Variants in ZFYVE16 observed in about 807,000 individuals in gnomAD.
ZFYVE16 encodes the protein zinc finger FYVE domain-containing protein 16.
ZFYVE16 carries 89 observed loss-of-function variants against 138.1 expected under a neutral mutation model. The ratio of observed to expected loss-of-function variants is 0.64; its 90% CI spans 0.54 to 0.77. The LOEUF is 0.77. Ranked by LOEUF, ZFYVE16 falls within the 30% of genes least tolerant of loss-of-function variation. ZFYVE16 has a pLI of 0.00. For synonymous variants in ZFYVE16, 596 were observed against 618.3 expected, an observed-to-expected ratio of 0.96 and a Z score of 0.53; for missense variants, 1,793 against 1,786.7, an observed-to-expected ratio of 1.00 and a Z score of -0.06.
chr5:80,410,511 C>T (rs771308771), intron 1 of ZFYVE16, among the ~76,000 whole-genome samples: 6 of 152,160 alleles, frequency 3.9e-5, no homozygotes, highest in Non-Finnish European at 7.4e-5. Flanking sequence ...AGTCCAGTAT[C>T]CAAGTGTTTT....
At chr5:80,407,997 C>G (rs983752689), upstream of ZFYVE16, 1 of 152,338 alleles carries the variant, frequency 6.6e-6, no homozygotes, top group Non-Finnish European at 1.5e-5. Flanking sequence ...AGGAAAGCGT[C>G]CTCTGCGCCT....
chr5:80,460,769 C>G (rs1753016805), intron 15 of ZFYVE16, among the ~76,000 whole-genome samples: 1 of 152,112 alleles, frequency 6.6e-6, no homozygotes, highest in Admixed American at 6.5e-5. Context: ...AGTCAGTTTG[C>G]TTAACTCTGT....
chr5:80,447,658 A>G (rs1366942500), intron 7 of ZFYVE16, among the ~76,000 whole-genome samples: 1 of 152,098 alleles, frequency 6.6e-6, no homozygotes, highest in African/African-American at 2.4e-5. Flanking sequence ...TGCCTACCCA[A>G]GGGTTTTTGG....
At position 80,420,753 on chromosome 5, in the gene ZFYVE16, CAT is replaced by C. The variant is rs1252394850; in HGVS notation, c.-93-6736_-93-6735del. ...CTATTGTGAATAGTGCCGCAATAAA[CAT>C]ATGTGTGCATGTGTCTTTATAGCAG... is the stretch of plus-strand genomic sequence containing the variant. On this transcript the variant is annotated intron_variant, in intron 1 of 18. Transcript: ENST00000505560. 1.3e-4 allele frequency among the ~76,000 whole-genome samples: 20 copies of C among 152,306 alleles called. 1 individual carries two copies. The highest frequency in any genetic ancestry group is 3.8e-4 in the African/African-American group (16 of 41,570).
chr5:80,472,783 T>G lies in ZFYVE16; in HGVS notation c.4047T>G (p.Thr1349=). Residue 1349 remains threonine (T), a synonymous_variant, in exon 16 of 19, where the codon ACT becomes ACG. Transcript: ENST00000505560. ...TAGATGGCTTAATGGTACAAATAACTCCAGAGACCATGAATGGCTTGCGGC... is the reference window on the plus strand; with the variant it reads ...TAGATGGCTTAATGGTACAAATAACGCCAGAGACCATGAATGGCTTGCGGC... ...IVEDGLMVQI[T]PETMNGLRLA... The G allele has an allele frequency of 6.2e-7, 1 of 1,613,758 alleles. No individual in the cohort carries two copies. The highest frequency in any genetic ancestry group is 8.5e-7 in the Non-Finnish European group (1 of 1,179,904).
chr5:80,472,965 A>C (rs879741112), intron 16 of ZFYVE16, 42 bp downstream of exon 16: 6 of 1,505,656 alleles, frequency 4.0e-6, no homozygotes, highest in Non-Finnish European at 5.4e-6. Flanking sequence ...ATTTGAAGGA[A>C]AGTGCAGGAT....
At chr5:80,441,590 T>C in intron 5 of ZFYVE16, 1 of 985,364 alleles carries the variant, frequency 1.0e-6, no homozygotes, top group Non-Finnish European at 1.2e-6. Context: ...TTGTGAGACA[T>C]ATGCCATGAA....
rs1267635717 is a variant in ZFYVE16 at position 80,435,792 on chromosome 5, C to G, written c.71-964C>G. ...GTCTCACTGTGTTGCTCAGGCTGGT[C>G]TTGAACTCCTGATCTCAAGTTATCC... is the stretch of plus-strand genomic sequence containing the variant. On this transcript the variant is annotated intron_variant, in intron 3 of 18. Coordinates refer to ENST00000505560, the MANE Select transcript of ZFYVE16 (RefSeq NM_001284236.3). 4 of 391,538 alleles carry G rather than the reference C, an allele frequency of 1.0e-5. No homozygotes were observed. In the Admixed American group the frequency reaches 1.2e-4, roughly 11 times the overall value. The allele number at this position is 391,538 out of a possible 1,614,324, so 24.3% of individuals were successfully genotyped here. A position where few individuals can be genotyped will look rare whatever the true frequency, so the allele number is the denominator to read the frequency against.
chr5:80,410,595 A>G (rs937155461), intron 1 of ZFYVE16, among the ~76,000 whole-genome samples: 8 of 152,168 alleles, frequency 5.3e-5, no homozygotes, highest in Non-Finnish European at 1.0e-4. Context: ...TTTTTAAGAC[A>G]GAGTCTCGCT....
chr5:80,461,388 T>A (rs1053824594), intron 15 of ZFYVE16, among the ~76,000 whole-genome samples: 2 of 152,222 alleles, frequency 1.3e-5, no homozygotes, highest in Non-Finnish European at 2.9e-5. Flanking sequence ...CAAATCAGTA[T>A]CCAAATAAGA....
chr5:80,437,871 G>A lies in ZFYVE16; in HGVS notation c.1186G>A (p.Asp396Asn), dbSNP rs1750162214. Residue 396 changes from aspartate (D) to asparagine (N), a missense_variant, in exon 4 of 19, where the codon GAT becomes AAT. By Grantham distance (23) the Asp-to-Asn change is conservative. Transcript: ENST00000505560. ...ATTAATTGAAAGTAAAGCACGGGGT[G>A]ATTTTTTACCTCAGCATGAACATAA... ...GSLIESKARG[D>N]FLPQHEHKDN... The A allele has an allele frequency of 6.2e-7, 1 of 1,613,980 alleles. No individual in the cohort carries two copies.
rs1755176937 is a variant in ZFYVE16 at position 80,479,396 on chromosome 5, C to G, written c.*2019C>G. 6.6e-6 allele frequency: 1 copy of G among 152,144 alleles called. No homozygotes were observed. Among genetic ancestry groups the G allele is most frequent in the Non-Finnish European group, 1.5e-5 (1 of 68,012 alleles). 9.4% of individuals were successfully genotyped at this position (152,144 alleles called of 1,614,324 possible). A position where few individuals can be genotyped will look rare whatever the true frequency, so the allele number is the denominator to read the frequency against. ...TGTGTGTTCGTATACTTGCTACATG[C>G]AGAGCACTTTACCAGGTTTCTAAGC... On this transcript the variant is annotated 3_prime_UTR_variant, in exon 19 of 19. Transcript: ENST00000505560.
intron 15 of ZFYVE16, among the ~76,000 whole-genome samples, chr5:80,467,232 G>A (rs1035333248): frequency 5.3e-5 from 8 of 152,316 alleles, no homozygotes; most frequent in African/African-American, 1.9e-4. Context: ...AAATCTAAAG[G>A]TTAAAAGGAA....
At position 80,438,537 on chromosome 5, in the gene ZFYVE16, C is replaced by T. The variant is rs759808362; in HGVS notation, c.1852C>T (p.Pro618Ser). ...TTCTTTAGGAGAAAAAAGCACTATT[C>T]CAGTTCAACAAGGGTTACCTACCAG... Reference protein sequence around the residue: ...GLSLGEKSTIPVQQGLPTSKS... With the variant: ...GLSLGEKSTISVQQGLPTSKS... Residue 618 changes from proline to serine, a missense_variant, in exon 4 of 19, where the codon CCA (proline) becomes TCA (serine). Physicochemically the swap from Pro to Ser is moderately conservative, Grantham distance 74 (BLOSUM62 -1). Around this residue, in one of 2 missense-constraint regions of ZFYVE16, gnomAD observed 1,295 missense variants for 1,204.3 expected, o/e 1.08. Coordinates refer to ENST00000505560, the MANE Select transcript of ZFYVE16 (RefSeq NM_001284236.3). 3.1e-6 allele frequency: 5 copies of T among 1,613,810 alleles called. No homozygotes were observed. In the South Asian group the frequency reaches 5.5e-5, roughly 18 times the overall value.
intron 16 of ZFYVE16, 143 bp downstream of exon 16, chr5:80,473,066 C>A: frequency 4.8e-6 from 4 of 837,862 alleles, no homozygotes; most frequent in Non-Finnish European, 6.9e-6. Flanking sequence ...TTAATGAATG[C>A]AATCTTTTTC....
chr5:80,481,952 T>C lies in ZFYVE16; in HGVS notation c.*4575T>C, dbSNP rs547360215. 2.0e-4 allele frequency among the ~76,000 whole-genome samples: 31 copies of C among 152,326 alleles called. No individual in the cohort carries two copies. The highest frequency in any genetic ancestry group is 3.2e-4 in the Non-Finnish European group (22 of 68,038). On this transcript the variant is annotated 3_prime_UTR_variant, in exon 19 of 19. Transcript: ENST00000505560. The stretch of plus-strand genomic sequence containing the variant: ...CTCCTGTCTCAGCCTCCTGAGTAGC[T>C]GTGACTACAGGTGTGTACCACCACG...
chr5:80,445,629 C>A (rs1362347420), intron 7 of ZFYVE16, among the ~76,000 whole-genome samples: 4 of 151,762 alleles, frequency 2.6e-5, no homozygotes, highest in Non-Finnish European at 4.4e-5. Flanking sequence ...GGCATAATTA[C>A]CAGTCACTGC....
chr5:80,470,007 A>G (rs761136430), intron 15 of ZFYVE16, among the ~76,000 whole-genome samples: 4 of 150,668 alleles, frequency 2.7e-5, no homozygotes, highest in Non-Finnish European at 5.9e-5. Flanking sequence ...GTCTTTGAAT[A>G]TACATACATA....
rs537797195 is a variant in ZFYVE16, at chr5:80,481,311, G to A, written c.*3934G>A. Among the ~76,000 whole-genome samples the A allele has an allele frequency of 7.2e-5, 11 of 152,290 alleles. No homozygotes were observed. The South Asian group carries it at 2.3e-3, about 32-fold the overall frequency. On this transcript the variant is annotated 3_prime_UTR_variant, in exon 19 of 19. Transcript: ENST00000505560. ...TGGGGTTCTAGAAACCAGAGTATAG[G>A]TAAGATCACAAATAGGAGGGAACTG...
Sources: allele counts gnomAD v4.1 joint callset (sites outside exome capture counted in the v4.1 genomes callset), GRCh38; gene constraint gnomAD v4.1.1; regional missense constraint gnomAD v4.1.1; transcripts MANE v1.5; gene names NCBI Gene and HGNC (gene_info 2026-07-23, HGNC 2026-07-21).